Variants in NCMAP observed in about 807,000 individuals in gnomAD.
NCMAP encodes the protein noncompact myelin-associated protein.
Under a neutral mutation model 7.8 loss-of-function variants are expected in NCMAP, and 8 were observed. That is an observed-to-expected ratio of 1.02 (90% CI 0.60 to 1.84). The LOEUF (loss-of-function observed/expected upper bound fraction) is 1.84, where lower values mean the gene tolerates loss of function less well. NCMAP is among the 40% of genes most tolerant of loss of function. NCMAP has a pLI of 0.00. For synonymous variants in NCMAP, 41 were observed against 52.9 expected, an observed-to-expected ratio of 0.78 and a Z score of 0.98; for missense variants, 112 against 131.4, an observed-to-expected ratio of 0.85 and a Z score of 0.72.
chr1:24,560,506 A>G (rs1178177522), intron 1 of NCMAP, among the ~76,000 whole-genome samples: 1 of 152,202 alleles, frequency 6.6e-6, no homozygotes, highest in Non-Finnish European at 1.5e-5. Context: ...GTGTTGGCTC[A>G]CGCCAAGGCA....
intron 1 of NCMAP, chr1:24,589,769 A>G (rs1651992500): frequency 6.6e-6 from 1 of 152,240 alleles, no homozygotes; most frequent in Non-Finnish European, 1.5e-5. Context: ...AGGTTCACAA[A>G]CCAGCTCTGT....
intron 1 of NCMAP, among the ~76,000 whole-genome samples, chr1:24,587,435 C>G (rs1443944812): frequency 3.9e-5 from 6 of 152,156 alleles, no homozygotes; most frequent in African/African-American, 1.2e-4. Flanking sequence ...GTGGTGATAC[C>G]AGCTACCCCA....
At chr1:24,582,291 G>C (rs572602605) in intron 1 of NCMAP, among the ~76,000 whole-genome samples, 1 of 152,290 alleles carries the variant, frequency 6.6e-6, no homozygotes, top group South Asian at 2.1e-4. Flanking sequence ...ACAGATAAGA[G>C]CCCAACTCCT....
chr1:24,569,115 T>A (rs1007404063), intron 1 of NCMAP, among the ~76,000 whole-genome samples: 1 of 151,968 alleles, frequency 6.6e-6, no homozygotes, highest in African/African-American at 2.4e-5. Context: ...CACCTCAGCC[T>A]CCCGAGTAGC....
At chr1:24,570,225 C>T (rs1035777117) in intron 1 of NCMAP, among the ~76,000 whole-genome samples, 3 of 150,192 alleles carry the variant, frequency 2.0e-5, no homozygotes, top group African/African-American at 5.0e-5. Context: ...GGATTACAGG[C>T]GTGAGTCACC....
chr1:24,594,065 T>C (rs752905746), intron 1 of NCMAP, among the ~76,000 whole-genome samples: 1 of 152,024 alleles, frequency 6.6e-6, no homozygotes, highest in Admixed American at 6.6e-5. Flanking sequence ...CTAATTTTTG[T>C]ATTTTTAGTA....
intron 1 of NCMAP, among the ~76,000 whole-genome samples, chr1:24,561,690 C>A (rs1651059035): frequency 6.6e-6 from 1 of 152,178 alleles, no homozygotes; most frequent in Non-Finnish European, 1.5e-5. Flanking sequence ...GCGGGCAGAT[C>A]TCCTGAGGTC....
At position 24,564,531 on chromosome 1, in the gene NCMAP, AAC is replaced by A. The variant is rs1491514214; in HGVS notation, c.-8+8364_-8+8365del. On this transcript the variant is annotated intron_variant, in intron 1 of 3. Transcript: ENST00000374392. ...TCTGTCTCAAAAAAAAAAAAAAAAA[AAC>A]AAAAAAAAACCTGAGAGAGATGGAG... Among the ~76,000 whole-genome samples the A allele has an allele frequency of 1.1e-3, 132 of 116,506 alleles. 32 individuals carry two copies. Among genetic ancestry groups the A allele is most frequent in the Middle Eastern group, 9.2e-3 (2 of 218 alleles). 76.4% of individuals were successfully genotyped at this position (116,506 alleles called of 152,430 possible).
At chr1:24,556,966 C>G (rs1415918013) in intron 1 of NCMAP, among the ~76,000 whole-genome samples, 1 of 152,186 alleles carries the variant, frequency 6.6e-6, no homozygotes, top group African/African-American at 2.4e-5. Flanking sequence ...CAAGTCCACA[C>G]TTTTCTCTAT....
chr1:24,594,908 A>T (rs939458533), intron 1 of NCMAP, among the ~76,000 whole-genome samples: 3 of 152,200 alleles, frequency 2.0e-5, no homozygotes, highest in African/African-American at 7.2e-5. Flanking sequence ...AAATTTTTTA[A>T]ATCATAGTTA....
intron 1 of NCMAP, among the ~76,000 whole-genome samples, chr1:24,568,811 A>G (rs1214536864): frequency 6.6e-6 from 1 of 152,002 alleles, no homozygotes; most frequent in East Asian, 1.9e-4. Flanking sequence ...TATTAGAGAC[A>G]GGGGTCTCGA....
intron 1 of NCMAP, among the ~76,000 whole-genome samples, chr1:24,588,754 C>T (rs914156984): frequency 6.6e-6 from 1 of 152,170 alleles, no homozygotes; most frequent in African/African-American, 2.4e-5. Flanking sequence ...TAAATGTGAT[C>T]GAGGCTCTGC....
At chr1:24,559,470 G>A (rs1650988272) in intron 1 of NCMAP, among the ~76,000 whole-genome samples, 1 of 152,232 alleles carries the variant, frequency 6.6e-6, no homozygotes, top group African/African-American at 2.4e-5. Context: ...GGGTGTGGGT[G>A]AAGCTGAGGG....
At chr1:24,602,170 C>T (rs1369774236) in intron 3 of NCMAP, among the ~76,000 whole-genome samples, 1 of 152,010 alleles carries the variant, frequency 6.6e-6, no homozygotes, top group Non-Finnish European at 1.5e-5. Context: ...CATAGGTTAC[C>T]CATACACATA....
chr1:24,560,873 C>A (rs765816926), intron 1 of NCMAP, among the ~76,000 whole-genome samples: 1 of 152,036 alleles, frequency 6.6e-6, no homozygotes, highest in Non-Finnish European at 1.5e-5. Context: ...AACTTGCTTG[C>A]GGAGAGCTTC....
Position 24,591,569 on chromosome 1 carries a change from G to A in NCMAP, c.-7-3855G>A, listed in dbSNP as rs189600628. The stretch of plus-strand genomic sequence containing the variant: ...AGGCATGAGTCACCGTGCCTGGCCT[G>A]GGCCGTGTCTTGAAGGCTACGCTCT... On this transcript the variant is annotated intron_variant, in intron 1 of 3. Transcript: ENST00000374392. Among the ~76,000 whole-genome samples the A allele has an allele frequency of 1.4e-3, 206 of 152,326 alleles. 1 individual carries two copies. The highest frequency in any genetic ancestry group is 5.9e-4 in the Non-Finnish European group (40 of 68,022).
At chr1:24,597,915 A>AC in intron 2 of NCMAP, among the ~76,000 whole-genome samples, 1 of 151,086 alleles carries the variant, frequency 6.6e-6, no homozygotes, top group Middle Eastern at 3.4e-3. Flanking sequence ...TGGCAACCCT[A>AC]CCACCAGGGG....
chr1:24,592,645 G>A (rs1570533986), intron 1 of NCMAP, among the ~76,000 whole-genome samples: 1 of 152,144 alleles, frequency 6.6e-6, no homozygotes, highest in Non-Finnish European at 1.5e-5. Flanking sequence ...GGGACCAGGC[G>A]CAGTGGCTCA....
At chr1:24,592,542 G>A (rs897749605) in intron 1 of NCMAP, among the ~76,000 whole-genome samples, 6 of 152,214 alleles carry the variant, frequency 3.9e-5, no homozygotes, top group African/African-American at 1.4e-4. Context: ...GGTCAAGGGA[G>A]TGGTTACTTT....
Sources: gnomAD v4.1 joint callset for allele counts (sites outside exome capture counted in the v4.1 genomes callset) on GRCh38, gnomAD v4.1.1 for gene constraint, MANE v1.5 for transcripts, NCBI Gene and HGNC (gene_info 2026-07-23, HGNC 2026-07-21) for gene names.